The following EYS variants were observed in gnomAD, a reference collection of about 807,000 sequenced individuals.
The protein encoded by EYS is EGF-like photoreceptor maintenance factor, also known as protein eyes shut homolog.
EYS carries 250 observed loss-of-function variants against 282.1 expected under a neutral mutation model. That is an observed-to-expected ratio of 0.89 (90% confidence interval 0.80 to 0.98). EYS has a LOEUF of 0.98. Among genes scored for constraint, EYS ranks in the 50% least tolerant of loss-of-function variants. The pLI is 0.00. For synonymous variants in EYS, 1,355 were observed against 1,282.9 expected, an observed-to-expected ratio of 1.06 and a Z score of -1.20; for missense variants, 4,016 against 3,709.0, an observed-to-expected ratio of 1.08 and a Z score of -2.15.
At chr6:65,507,333 T>G (rs1766695605) in intron 2 of EYS, among the ~76,000 whole-genome samples, 1 of 152,144 alleles carries the variant, frequency 6.6e-6, no homozygotes, top group African/African-American at 2.4e-5. Context: ...TTAATCCCTC[T>G]GGCTTTAAGA....
At chr6:65,418,575 G>T (rs1767331065) in intron 5 of EYS, among the ~76,000 whole-genome samples, 1 of 151,990 alleles carries the variant, frequency 6.6e-6, no homozygotes, top group Non-Finnish European at 1.5e-5. Flanking sequence ...TTTGTCCTTT[G>T]CAGGGACATA....
intron 35 of EYS, among the ~76,000 whole-genome samples, chr6:63,979,947 C>G (rs747190926): frequency 6.6e-6 from 1 of 151,850 alleles, no homozygotes; most frequent in Non-Finnish European, 1.5e-5. Context: ...TAATACTTTT[C>G]AACATGAAAT....
chr6:65,335,345 G>GA (rs1384363717), intron 10 of EYS, among the ~76,000 whole-genome samples, 199 bp from the exon 11 acceptor site: 1 of 151,682 alleles, frequency 6.6e-6, no homozygotes, highest in African/African-American at 2.4e-5. Context: ...AGAGCTACAA[G>GA]AAAAACCACA....
chr6:65,617,009 A>G (rs1439455873), intron 2 of EYS, among the ~76,000 whole-genome samples: 1 of 152,196 alleles, frequency 6.6e-6, no homozygotes, highest in African/African-American at 2.4e-5. Flanking sequence ...TAAACATCAT[A>G]TGCAGTTACA....
intron 8 of EYS, among the ~76,000 whole-genome samples, chr6:65,361,631 G>GCAC (rs1422910809): frequency 2.6e-5 from 4 of 151,902 alleles, no homozygotes; most frequent in African/African-American, 9.7e-5. Context: ...CTGCAGACAT[G>GCAC]CACCACCATG....
chr6:65,665,260 T>C (rs1249131605), intron 1 of EYS, among the ~76,000 whole-genome samples: 1 of 152,172 alleles, frequency 6.6e-6, no homozygotes, highest in Non-Finnish European at 1.5e-5. Context: ...GCAGTCTTAT[T>C]TGTGCTATGA....
chr6:63,834,465 C>G (rs769254021), intron 36 of EYS, among the ~76,000 whole-genome samples: 35 of 152,266 alleles, frequency 2.3e-4, no homozygotes, highest in South Asian at 6.2e-4. Flanking sequence ...CTCATCATCA[C>G]TGGCCATCAG....
At chr6:64,299,524 A>G (rs1769157153) in intron 30 of EYS, among the ~76,000 whole-genome samples, 1 of 152,198 alleles carries the variant, frequency 6.6e-6, no homozygotes, top group African/African-American at 2.4e-5. Context: ...GGAACCCTTG[A>G]AAACGAAGGT....
intron 1 of EYS, among the ~76,000 whole-genome samples, chr6:65,644,612 A>G (rs1767390482): frequency 6.6e-6 from 1 of 152,226 alleles, no homozygotes; most frequent in African/African-American, 2.4e-5. Flanking sequence ...GCACATAGTC[A>G]TTAGGTTATC....
intron 30 of EYS, among the ~76,000 whole-genome samples, chr6:64,244,340 C>T (rs1235990848): frequency 6.6e-6 from 1 of 151,818 alleles, no homozygotes; most frequent in Non-Finnish European, 1.5e-5. Flanking sequence ...CATTGTTTTC[C>T]CTCTTCCATT....
intron 12 of EYS, among the ~76,000 whole-genome samples, chr6:65,099,325 A>C (rs1362576375): frequency 6.6e-6 from 1 of 150,788 alleles, no homozygotes; most frequent in Non-Finnish European, 1.5e-5. Flanking sequence ...TTTGCCATCT[A>C]CATTTATGAA....
intron 24 of EYS, among the ~76,000 whole-genome samples, chr6:64,605,051 GA>G (rs1766880313): frequency 6.6e-6 from 1 of 151,950 alleles, no homozygotes; most frequent in Non-Finnish European, 1.5e-5. Context: ...CACTCTTCTT[GA>G]AAACAGTAAA....
intron 5 of EYS, among the ~76,000 whole-genome samples, chr6:65,405,907 C>CT (rs1174911277): frequency 1.2e-4 from 18 of 152,032 alleles, no homozygotes; most frequent in Non-Finnish European, 7.4e-5. Flanking sequence ...AAGGAATATG[C>CT]TTTTTTTATA....
chr6:65,374,476 G>T (rs1004844926), intron 8 of EYS, among the ~76,000 whole-genome samples: 1 of 151,162 alleles, frequency 6.6e-6, no homozygotes, highest in South Asian at 2.1e-4. Context: ...GGAGGCTGTT[G>T]GGGCAGACAC....
intron 12 of EYS, among the ~76,000 whole-genome samples, chr6:65,273,326 T>C (rs1023805160): frequency 1.3e-5 from 2 of 152,126 alleles, no homozygotes; most frequent in African/African-American, 4.8e-5. Flanking sequence ...CACAAGTGAC[T>C]CCACAGCCTT....
intron 30 of EYS, among the ~76,000 whole-genome samples, chr6:64,268,896 T>C (rs1337733243): frequency 6.6e-6 from 1 of 152,126 alleles, no homozygotes; most frequent in East Asian, 1.9e-4. Context: ...ATGCTGTTCA[T>C]TGCCCTAGCA....
intron 22 of EYS, among the ~76,000 whole-genome samples, chr6:64,628,794 G>T (rs1767688766): frequency 6.6e-6 from 1 of 151,834 alleles, no homozygotes; most frequent in South Asian, 2.1e-4. Context: ...TTTTTAAAGG[G>T]GATAGTTTAA....
At chr6:65,545,284 T>G (rs2127325457) in intron 2 of EYS, among the ~76,000 whole-genome samples, 1 of 152,028 alleles carries the variant, frequency 6.6e-6, no homozygotes, top group Non-Finnish European at 1.5e-5. Context: ...AATATTAAAA[T>G]AAAATGTTGT....
chr6:65,089,833 G>C (rs1774498647), intron 12 of EYS, among the ~76,000 whole-genome samples: 2 of 151,452 alleles, frequency 1.3e-5, no homozygotes, highest in African/African-American at 2.4e-5. Context: ...GCATGCACCT[G>C]TAATCCCAGC....
Sources: gnomAD v4.1 joint callset for allele counts (sites outside exome capture counted in the v4.1 genomes callset) on GRCh38, gnomAD v4.1.1 for gene constraint, MANE v1.5 for transcripts, NCBI Gene and HGNC (gene_info 2026-07-23, HGNC 2026-07-21) for gene names.